The following MAPRE1 variants were observed in gnomAD, a reference collection of about 807,000 sequenced individuals.
The protein encoded by MAPRE1 is microtubule-associated protein RP/EB family member 1.
In MAPRE1, 5 loss-of-function variants were observed where a neutral mutation model predicts 32.1. The observed-to-expected ratio is 0.16, with a 90% CI of 0.08 to 0.33. MAPRE1 has a LOEUF of 0.33. Ranked by LOEUF, MAPRE1 falls within the 10% of genes least tolerant of loss-of-function variation. The pLI is 1.00. For missense variants in MAPRE1, 209 were observed against 327.2 expected, an observed-to-expected ratio of 0.64 and a Z score of 2.79; for synonymous variants, 122 against 118.9, an observed-to-expected ratio of 1.03 and a Z score of -0.17.
chr20:32,830,444 C>T (rs1413762021), intron 2 of MAPRE1, among the ~76,000 whole-genome samples: 1 of 152,208 alleles, frequency 6.6e-6, no homozygotes, highest in Admixed American at 6.5e-5. Flanking sequence ...AGGCTAGCTC[C>T]CTTTTCCAGG....
chr20:32,836,898 C>A, intron 4 of MAPRE1, 57 bp downstream of exon 4: 1 of 1,474,044 alleles, frequency 6.8e-7, no homozygotes, highest in South Asian at 1.3e-5. Flanking sequence ...ATTCATTCAG[C>A]GTTCAACTAG....
chr20:32,833,892 A>G (rs1235742488), intron 3 of MAPRE1, 30 bp downstream of exon 3: 1 of 1,589,320 alleles, frequency 6.3e-7, no homozygotes, highest in Non-Finnish European at 8.6e-7. Context: ...TATTGTGGTT[A>G]ATGTTCCTTA....
intron 1 of MAPRE1, among the ~76,000 whole-genome samples, chr20:32,824,533 T>TAGGCCCACAGATGCCCTACCTGGC (rs1982788642): frequency 6.6e-6 from 1 of 152,212 alleles, no homozygotes; most frequent in South Asian, 2.1e-4. Flanking sequence ...ATCTGGCACT[T>TAGGCCCACAGATGCCCTACCTGGC]AGGCCCACAG....
intron 2 of MAPRE1, among the ~76,000 whole-genome samples, chr20:32,833,028 G>T (rs1048113950): frequency 4.6e-5 from 7 of 151,740 alleles, no homozygotes; most frequent in Non-Finnish European, 8.8e-5. Context: ...GGGTTGGCTG[G>T]GTGCTCTACA....
At chr20:32,834,900 C>T (rs1179320055) in intron 3 of MAPRE1, among the ~76,000 whole-genome samples, 3 of 152,124 alleles carry the variant, frequency 2.0e-5, no homozygotes, top group Admixed American at 2.0e-4. Context: ...TAATTCTATC[C>T]TATCCTATGT....
At position 32,846,637 on chromosome 20, in the gene MAPRE1, C is replaced by T; in HGVS notation, c.617C>T (p.Thr206Ile). The change falls in exon 6 of 7, where the codon ACT becomes ATT. Residue 206 changes from threonine (T) to isoleucine (I), a missense_variant. This residue lies in a region of MAPRE1 where 106 missense variants were observed against 115.3 expected (regional missense o/e 0.92). Coordinates refer to ENST00000375571, the MANE Select transcript of MAPRE1 (RefSeq NM_012325.3). ...GTGCAGGTCAACGTATTGAAACTTA[C>T]TGTTGAAGACTTGGAGAAAGAGAGG... is the stretch of plus-strand genomic sequence containing the variant. ...LMQQVNVLKL[T>I]VEDLEKERDF... 1 of 1,613,896 alleles carries T rather than the reference C, an allele frequency of 6.2e-7. No individual in the cohort carries two copies. Among genetic ancestry groups the T allele is most frequent in the Non-Finnish European group, 8.5e-7 (1 of 1,179,840 alleles).
At chr20:32,821,903 G>C (rs536296281) in intron 1 of MAPRE1, among the ~76,000 whole-genome samples, 6 of 152,314 alleles carry the variant, frequency 3.9e-5, no homozygotes, top group African/African-American at 1.4e-4. Context: ...TTGTAAGGGT[G>C]AGATTTGTGT....
In MAPRE1 at chr20:32,825,879, A is replaced by C. The variant is rs201134009; in HGVS notation, c.-3-46A>C. On this transcript the variant is annotated intron_variant, in intron 1 of 6. Transcript: ENST00000375571. ...CTAGGAAACACTTGACCTTACTTGCATGCCTAATGTAACACAGGCCCTTCT... is the reference window on the plus strand; with the variant it reads ...CTAGGAAACACTTGACCTTACTTGCCTGCCTAATGTAACACAGGCCCTTCT... 303 of 1,510,764 alleles carry C rather than the reference A, an allele frequency of 2.0e-4. 2 individuals are homozygous for C. The highest frequency in any genetic ancestry group is 2.4e-4 in the Non-Finnish European group (270 of 1,108,982). The allele number at this position is 1,510,764 out of a possible 1,614,324, so 93.6% of individuals were successfully genotyped here. A position where few individuals can be genotyped will look rare whatever the true frequency, so the allele number is the denominator to read the frequency against.
intron 5 of MAPRE1, among the ~76,000 whole-genome samples, chr20:32,842,125 G>A (rs1037162075): frequency 4.0e-5 from 6 of 151,238 alleles, no homozygotes; most frequent in African/African-American, 7.3e-5. Context: ...TCACTCTGTC[G>A]CCCAGGCTGG....
chr20:32,840,003 G>A (rs1007359506), intron 5 of MAPRE1, 147 bp downstream of exon 5: 77 of 1,137,604 alleles, frequency 6.8e-5, no homozygotes, highest in Non-Finnish European at 9.0e-5. Flanking sequence ...GGTGCTGTGC[G>A]GGGAGCATGA....
intron 2 of MAPRE1, among the ~76,000 whole-genome samples, chr20:32,829,670 TC>T (rs1413147381): frequency 2.6e-5 from 4 of 152,216 alleles, no homozygotes; most frequent in African/African-American, 4.8e-5. Flanking sequence ...ATACATTTCT[TC>T]CTTGAGAGGG....
At chr20:32,840,909 A>G (rs940455512) in intron 5 of MAPRE1, among the ~76,000 whole-genome samples, 3 of 151,938 alleles carry the variant, frequency 2.0e-5, no homozygotes, top group African/African-American at 4.8e-5. Flanking sequence ...TCCGCCTCCC[A>G]GGTTCAAGGG....
At chr20:32,828,743 G>A (rs1351055503) in intron 2 of MAPRE1, among the ~76,000 whole-genome samples, 1 of 152,186 alleles carries the variant, frequency 6.6e-6, no homozygotes, top group Non-Finnish European at 1.5e-5. Flanking sequence ...CTGGGGCACA[G>A]CTTATGTATT....
At chr20:32,832,640 G>A (rs1439676676) in intron 2 of MAPRE1, among the ~76,000 whole-genome samples, 1 of 151,638 alleles carries the variant, frequency 6.6e-6, no homozygotes, top group Non-Finnish European at 1.5e-5. Flanking sequence ...GCTAATTTTG[G>A]TATTTTTTGT....
At chr20:32,837,836 C>A (rs532817948) in intron 4 of MAPRE1, among the ~76,000 whole-genome samples, 1 of 152,162 alleles carries the variant, frequency 6.6e-6, no homozygotes, top group Non-Finnish European at 1.5e-5. Flanking sequence ...TAAATCCCAG[C>A]GCTTTGGGAG....
intron 4 of MAPRE1, among the ~76,000 whole-genome samples, chr20:32,837,887 C>T (rs1983245197): frequency 6.6e-6 from 1 of 152,062 alleles, no homozygotes; most frequent in African/African-American, 2.4e-5. Context: ...AGTTTGAGAC[C>T]AGTCTGGCCA....
intron 5 of MAPRE1, chr20:32,843,177 C>T (rs968115239): frequency 1.3e-5 from 2 of 152,054 alleles, no homozygotes; most frequent in African/African-American, 4.8e-5. Context: ...AAGGATTTGT[C>T]TCCAGGTTGT....
rs762508064 is a variant in MAPRE1, at chr20:32,848,749, A to C, written c.*21A>C. Reference sequence around the variant, plus strand: ...ATTAACAGCCTGGACCAGCAGAGCAACATCGGAATTCTTCACTCCAAATCA... The same window carrying C: ...ATTAACAGCCTGGACCAGCAGAGCACCATCGGAATTCTTCACTCCAAATCA... On this transcript the variant is annotated 3_prime_UTR_variant, in exon 7 of 7. Coordinates refer to ENST00000375571, the MANE Select transcript of MAPRE1 (RefSeq NM_012325.3). The C allele has an allele frequency of 6.2e-7, 1 of 1,602,940 alleles. No individual in the cohort carries two copies. The highest frequency in any genetic ancestry group is 1.3e-5 in the African/African-American group (1 of 74,662).
chr20:32,848,676 G>A lies in MAPRE1; in HGVS notation c.755G>A (p.Gly252Asp). The change falls in exon 7 of 7, where the codon GGC becomes GAC. Residue 252 changes from glycine to aspartate, a missense_variant. Gly to Asp is a moderately conservative substitution (Grantham distance 94, BLOSUM62 -1). Transcript: ENST00000375571. ...IVDILYATDE[G>D]FVIPDEGGPQ... ...CCTCTCATTTTCCTATTTCAGGAAG[G>A]CTTTGTGATACCTGATGAAGGGGGC... is the stretch of plus-strand genomic sequence containing the variant. The A allele has an allele frequency of 1.2e-6, 2 of 1,612,780 alleles. No homozygotes were observed. The highest frequency in any genetic ancestry group is 2.2e-5 in the South Asian group (2 of 90,928).
Sources: gnomAD v4.1 joint callset for allele counts (sites outside exome capture counted in the v4.1 genomes callset) on GRCh38, gnomAD v4.1.1 for gene constraint, gnomAD v4.1.1 regional missense constraint, MANE v1.5 for transcripts, NCBI Gene and HGNC (gene_info 2026-07-23, HGNC 2026-07-21) for gene names.